The following LUZP2 variants were observed in gnomAD, a reference collection of about 807,000 sequenced individuals.
The protein encoded by LUZP2 is leucine zipper protein 2.
LUZP2 carries 52 observed loss-of-function variants against 51.6 expected under a neutral mutation model. The observed-to-expected ratio is 1.01, with a 90% CI of 0.81 to 1.27. The LOEUF (loss-of-function observed/expected upper bound fraction) is 1.27. Ranked by LOEUF, LUZP2 falls within the 50% of genes most tolerant of loss-of-function variation. The pLI is 0.00. For synonymous variants in LUZP2, 154 were observed against 137.3 expected, an observed-to-expected ratio of 1.12 and a Z score of -0.85; for missense variants, 436 against 395.4, an observed-to-expected ratio of 1.10 and a Z score of -0.87.
In LUZP2 at chr11:25,011,525, G is replaced by A. The variant is rs79279985; in HGVS notation, c.765+28232G>A. Among the ~76,000 whole-genome samples the A allele has an allele frequency of 3.0e-4, 45 of 152,190 alleles. No homozygotes were observed. In the East Asian group the frequency reaches 7.3e-3, roughly 25 times the overall value. On this transcript the variant is annotated intron_variant, in intron 9 of 11. Coordinates refer to ENST00000336930, the MANE Select transcript of LUZP2 (RefSeq NM_001009909.4). ...ACTAGACTACAGTGAATAGAAAAGC[G>A]AACATAAGGTTCAGGCCATTTAGTT...
At chr11:24,848,161 TGATA>T (rs1564984301) in intron 5 of LUZP2, among the ~76,000 whole-genome samples, 1 of 152,128 alleles carries the variant, frequency 6.6e-6, no homozygotes, top group Non-Finnish European at 1.5e-5. Flanking sequence ...TGATATGATA[TGATA>T]GATATGTTAT....
intron 1 of LUZP2, among the ~76,000 whole-genome samples, chr11:24,581,772 T>G (rs917767320): frequency 6.6e-6 from 1 of 151,876 alleles, no homozygotes; most frequent in Admixed American, 6.6e-5. Flanking sequence ...TATACTTGAT[T>G]TTATTTATAT....
At chr11:24,510,422 A>T (rs1270510695) in intron 1 of LUZP2, among the ~76,000 whole-genome samples, 1 of 152,222 alleles carries the variant, frequency 6.6e-6, no homozygotes, top group Admixed American at 6.5e-5. Context: ...CCTGCCTGCA[A>T]CCCTTGCCAC....
intron 5 of LUZP2, among the ~76,000 whole-genome samples, chr11:24,886,102 C>A (rs977003719): frequency 2.6e-5 from 4 of 152,046 alleles, no homozygotes; most frequent in Non-Finnish European, 4.4e-5. Flanking sequence ...AATTCTATAT[C>A]TTTCTGTAAA....
intron 1 of LUZP2, among the ~76,000 whole-genome samples, chr11:24,563,193 C>T (rs2133777468): frequency 6.6e-6 from 1 of 152,174 alleles, no homozygotes; most frequent in South Asian, 2.1e-4. Flanking sequence ...CTATTTGAAA[C>T]TGGGAATCAT....
intron 5 of LUZP2, among the ~76,000 whole-genome samples, chr11:24,850,335 T>C (rs1222878849): frequency 6.6e-6 from 1 of 152,232 alleles, no homozygotes; most frequent in Non-Finnish European, 1.5e-5. Context: ...TTCAGTTTTC[T>C]GCATATGGCT....
At chr11:24,630,455 A>C (rs545224173) in intron 1 of LUZP2, among the ~76,000 whole-genome samples, 1 of 152,016 alleles carries the variant, frequency 6.6e-6, no homozygotes, top group South Asian at 2.1e-4. Flanking sequence ...TGTCTTTTCT[A>C]CAATGTATGT....
intron 6 of LUZP2, among the ~76,000 whole-genome samples, chr11:24,911,394 T>C (rs1853629100): frequency 6.6e-6 from 1 of 152,166 alleles, no homozygotes; most frequent in Non-Finnish European, 1.5e-5. Context: ...CCTTGATTTG[T>C]AATCCCATAA....
intron 11 of LUZP2, 98 bp from the exon 12 acceptor site, chr11:25,078,456 C>A (rs2134065192): frequency 2.3e-6 from 2 of 864,744 alleles, no homozygotes; most frequent in East Asian, 2.6e-5. Flanking sequence ...TTGTTGAGAT[C>A]TTTGAATTTC....
intron 1 of LUZP2, among the ~76,000 whole-genome samples, chr11:24,621,041 G>A (rs906882): frequency 0.35 from 53,330 of 151,954 alleles, 9,462 homozygotes; most frequent in Middle Eastern, 0.43. Context: ...AGAAGCTTCC[G>A]TGAGCCTGCT....
intron 5 of LUZP2, chr11:24,786,672 G>A (rs1385000972): frequency 6.7e-6 from 1 of 148,532 alleles, no homozygotes; most frequent in Non-Finnish European, 1.5e-5. Flanking sequence ...ATATAAATAT[G>A]TATATTATGT....
intron 7 of LUZP2, among the ~76,000 whole-genome samples, chr11:24,975,589 A>G (rs982678843): frequency 6.6e-6 from 1 of 152,066 alleles, no homozygotes; most frequent in Non-Finnish European, 1.5e-5. Context: ...TGCAAATGCT[A>G]TATGTATACA....
At chr11:24,501,597 C>A (rs962826769) in intron 1 of LUZP2, among the ~76,000 whole-genome samples, 2 of 152,144 alleles carry the variant, frequency 1.3e-5, no homozygotes, top group African/African-American at 4.8e-5. Flanking sequence ...CCTGATTAAA[C>A]AGGTACTGTT....
chr11:24,903,395 A>G (rs1403741865), intron 5 of LUZP2, among the ~76,000 whole-genome samples: 1 of 152,208 alleles, frequency 6.6e-6, no homozygotes, highest in African/African-American at 2.4e-5. Flanking sequence ...TTAGCTAAAG[A>G]GGAAAAAAAC....
intron 3 of LUZP2, among the ~76,000 whole-genome samples, chr11:24,735,822 A>C (rs1858918376): frequency 6.6e-6 from 1 of 151,996 alleles, no homozygotes; most frequent in South Asian, 2.1e-4. Context: ...ACAGAGCCCT[A>C]GAATAGCAGA....
At chr11:24,822,423 T>C (rs750850034) in intron 5 of LUZP2, among the ~76,000 whole-genome samples, 1 of 152,212 alleles carries the variant, frequency 6.6e-6, no homozygotes, top group African/African-American at 2.4e-5. Flanking sequence ...TTCTCATCAC[T>C]AGTGTGTGGG....
intron 4 of LUZP2, among the ~76,000 whole-genome samples, chr11:24,752,012 G>T (rs1345713244): frequency 2.6e-5 from 4 of 151,966 alleles, no homozygotes; most frequent in Non-Finnish European, 5.9e-5. Context: ...GTATAAGAAA[G>T]AAAATAGTAA....
intron 1 of LUZP2, among the ~76,000 whole-genome samples, chr11:24,632,314 G>T (rs1047574485): frequency 6.6e-6 from 1 of 151,966 alleles, no homozygotes. Flanking sequence ...GAAAGAGCTT[G>T]CTGTTTTCTG....
chr11:24,677,115 T>TAC (rs1856583771), intron 1 of LUZP2, among the ~76,000 whole-genome samples: 1 of 152,060 alleles, frequency 6.6e-6, no homozygotes, highest in African/African-American at 2.4e-5. Context: ...CAAATATATA[T>TAC]CATTTTTTGT....
Sources: allele counts gnomAD v4.1 joint callset (sites outside exome capture counted in the v4.1 genomes callset), GRCh38; gene constraint gnomAD v4.1.1; transcripts MANE v1.5; gene names NCBI Gene and HGNC (gene_info 2026-07-23, HGNC 2026-07-21).